PCDH9: variants seen among roughly 807,000 people sequenced by gnomAD.
The protein encoded by PCDH9 is protocadherin-9.
In PCDH9, 24 loss-of-function variants were observed where a neutral mutation model predicts 70.6. The observed-to-expected ratio is 0.34, with a 90% CI of 0.25 to 0.48. PCDH9 has a LOEUF of 0.48. Among genes scored for constraint, PCDH9 ranks in the 20% least tolerant of loss-of-function variants. The probability of loss-of-function intolerance (pLI) is 0.99; values close to 1 mark genes in which losing one functional copy is unlikely to be tolerated. For missense variants in PCDH9, 1,281 were observed against 1,503.6 expected (o/e 0.85, Z 2.45); for synonymous variants, 562 against 558.5 (o/e 1.01, Z -0.09).
At position 66,946,572 on chromosome 13, in the gene PCDH9, C is replaced by T. The variant is rs866343313; in HGVS notation, c.3037-42967G>A. ...ATACTATGGTACTAAATATTTGGTA[C>T]TAATCATAGTAAACAAGGAAAACAT... On this transcript the variant is annotated intron_variant, in intron 2 of 4. Transcript: ENST00000377865. Among the ~76,000 whole-genome samples the T allele has an allele frequency of 9.9e-5, 15 of 152,028 alleles. No individual in the cohort carries two copies. In the East Asian group the frequency reaches 1.9e-3, roughly 20 times the overall value.
intron 2 of PCDH9, among the ~76,000 whole-genome samples, chr13:67,188,542 G>A (rs1162133992): frequency 4.0e-5 from 6 of 151,760 alleles, no homozygotes; most frequent in African/African-American, 1.5e-4. Context: ...ATTTCAATAA[G>A]TTATTTATCT....
intron 2 of PCDH9, among the ~76,000 whole-genome samples, chr13:67,085,095 T>A (rs954160678): frequency 6.9e-6 from 1 of 144,522 alleles, no homozygotes; most frequent in African/African-American, 2.5e-5. Flanking sequence ...TGGTAACATA[T>A]ACCCTAACTG....
chr13:66,773,212 A>G (rs769002654), intron 3 of PCDH9, among the ~76,000 whole-genome samples: 2 of 152,234 alleles, frequency 1.3e-5, no homozygotes, highest in Non-Finnish European at 2.9e-5. Flanking sequence ...CTTCAACGGA[A>G]GAAATGTTCA....
chr13:66,617,697 C>T (rs2077373364), intron 4 of PCDH9, among the ~76,000 whole-genome samples: 1 of 152,126 alleles, frequency 6.6e-6, no homozygotes, highest in African/African-American at 2.4e-5. Flanking sequence ...TCTGTCCTTA[C>T]CCCTCCCCTT....
intron 2 of PCDH9, among the ~76,000 whole-genome samples, chr13:67,018,577 C>T (rs1239536431): frequency 1.3e-5 from 2 of 149,668 alleles, no homozygotes; most frequent in Non-Finnish European, 3.0e-5. Context: ...CTAGATTGTG[C>T]CACTGCACTT....
At chr13:66,462,416 A>AT (rs1406072217) in intron 4 of PCDH9, among the ~76,000 whole-genome samples, 2 of 151,942 alleles carry the variant, frequency 1.3e-5, no homozygotes. Context: ...AGGTTGGAAC[A>AT]TAAGTTGTTT....
At chr13:67,078,148 A>G (rs1414349673) in intron 2 of PCDH9, among the ~76,000 whole-genome samples, 1 of 152,114 alleles carries the variant, frequency 6.6e-6, no homozygotes, top group Admixed American at 6.6e-5. Context: ...CATAGTGGCC[A>G]TTGTCTTCAG....
intron 3 of PCDH9, among the ~76,000 whole-genome samples, chr13:66,698,290 T>C (rs2139099716): frequency 6.6e-6 from 1 of 152,286 alleles, no homozygotes; most frequent in Admixed American, 6.5e-5. Context: ...TTATCTGTAT[T>C]GTACCACAAC....
intron 4 of PCDH9, among the ~76,000 whole-genome samples, chr13:66,309,052 G>C (rs1307206193): frequency 6.6e-6 from 1 of 151,914 alleles, no homozygotes; most frequent in Admixed American, 6.6e-5. Flanking sequence ...GTAGTTACAT[G>C]GTAGGTGTAT....
At position 66,359,004 on chromosome 13, in the gene PCDH9, T is replaced by A. The variant is rs1423257088; in HGVS notation, c.3341-53976A>T. On this transcript the variant is annotated intron_variant, in intron 4 of 4. Coordinates refer to ENST00000377865, the MANE Select transcript of PCDH9 (RefSeq NM_203487.3). ...TCAGGCAAAAGTCGCTCATTAATGG[T>A]GATTTCATACTACATTGGCTTATTG... Among the ~76,000 whole-genome samples, 4 of 151,996 alleles carry A rather than the reference T, an allele frequency of 2.6e-5. No individual in the cohort carries two copies. In the East Asian group the frequency reaches 7.7e-4, roughly 29 times the overall value.
rs1317367702 is a variant in PCDH9, at chr13:66,924,868, G to A, written c.3037-21263C>T. On this transcript the variant is annotated intron_variant, in intron 2 of 4. Coordinates refer to ENST00000377865, the MANE Select transcript of PCDH9 (RefSeq NM_203487.3). ...TCTGTAGGGATTTGGATTAGTAGAA[G>A]GCAATATTCCACAGGGCAAACTGGA... 7.2e-5 allele frequency among the ~76,000 whole-genome samples: 11 copies of A among 151,828 alleles called. No individual in the cohort carries two copies. In the South Asian group the frequency reaches 2.1e-3, roughly 29 times the overall value.
At chr13:66,448,517 AG>A (rs760260692) in intron 4 of PCDH9, among the ~76,000 whole-genome samples, 1 of 152,244 alleles carries the variant, frequency 6.6e-6, no homozygotes, top group South Asian at 2.1e-4. Flanking sequence ...CTGAGTTATG[AG>A]GACAGGTCAA....
chr13:67,211,972 G>A (rs1366677477), intron 2 of PCDH9: 2 of 152,020 alleles, frequency 1.3e-5, no homozygotes, highest in African/African-American at 4.8e-5. Context: ...CATTTTTAGA[G>A]AACCACTGTC....
chr13:66,947,225 G>A (rs907827013), intron 2 of PCDH9, among the ~76,000 whole-genome samples: 2 of 152,100 alleles, frequency 1.3e-5, no homozygotes, highest in African/African-American at 2.4e-5. Context: ...CTCAGAATGA[G>A]AGGTAAAATA....
At chr13:66,634,721 A>T (rs2077615283) in intron 3 of PCDH9, among the ~76,000 whole-genome samples, 2 of 152,122 alleles carry the variant, frequency 1.3e-5, no homozygotes, top group Admixed American at 1.3e-4. Flanking sequence ...TGAAATTTAA[A>T]ACTACATTTT....
At chr13:67,162,064 C>A (rs934131929) in intron 2 of PCDH9, among the ~76,000 whole-genome samples, 5 of 152,152 alleles carry the variant, frequency 3.3e-5, no homozygotes, top group Non-Finnish European at 1.5e-5. Flanking sequence ...TTTGCTCTAT[C>A]TTCTGGGAAG....
intron 4 of PCDH9, among the ~76,000 whole-genome samples, chr13:66,431,280 A>G (rs1029005255): frequency 6.6e-6 from 1 of 152,060 alleles, no homozygotes; most frequent in African/African-American, 2.4e-5. Flanking sequence ...AAGAAATAAT[A>G]CAAAGCACTC....
At chr13:67,182,637 T>C (rs1184553518) in intron 2 of PCDH9, among the ~76,000 whole-genome samples, 1 of 152,178 alleles carries the variant, frequency 6.6e-6, no homozygotes, top group Admixed American at 6.5e-5. Context: ...ATATAAATCT[T>C]TACTGATTAA....
chr13:67,107,948 G>C (rs1413892504), intron 2 of PCDH9, among the ~76,000 whole-genome samples: 1 of 152,150 alleles, frequency 6.6e-6, no homozygotes, highest in African/African-American at 2.4e-5. Flanking sequence ...TCTAGATGTG[G>C]GTGCCCACAT....
Sources: allele counts gnomAD v4.1 joint callset (sites outside exome capture counted in the v4.1 genomes callset), GRCh38; gene constraint gnomAD v4.1.1; transcripts MANE v1.5; gene names NCBI Gene and HGNC (gene_info 2026-07-23, HGNC 2026-07-21).